Variants in PDE4B observed in about 807,000 individuals in gnomAD.
The protein encoded by PDE4B is phosphodiesterase 4B, also known as 3',5'-cyclic-AMP phosphodiesterase 4B.
In PDE4B, 20 loss-of-function variants were observed where a neutral mutation model predicts 82.2. The observed-to-expected ratio is 0.24, with a 90% confidence interval of 0.17 to 0.35. The LOEUF (loss-of-function observed/expected upper bound fraction) is 0.35, where lower values mean the gene tolerates loss of function less well. Ranked by LOEUF, PDE4B falls within the 10% of genes least tolerant of loss-of-function variation. The pLI is 1.00. For synonymous variants in PDE4B, 320 were observed against 318.9 expected (o/e 1.00, Z -0.04); for missense variants, 655 against 907.2 (o/e 0.72, Z 3.57).
At chr1:66,206,398 G>T (rs1447377636) in intron 3 of PDE4B, among the ~76,000 whole-genome samples, 1 of 152,102 alleles carries the variant, frequency 6.6e-6, no homozygotes. Context: ...CCACCCTCCA[G>T]CATTTTATCC....
At chr1:66,047,352 A>G (rs893956926) in intron 3 of PDE4B, among the ~76,000 whole-genome samples, 3 of 152,018 alleles carry the variant, frequency 2.0e-5, no homozygotes, top group Admixed American at 1.3e-4. Context: ...GTGTTAATAT[A>G]TGAAAATATC....
intron 3 of PDE4B, among the ~76,000 whole-genome samples, chr1:66,150,823 G>A (rs72679116): frequency 0.1 from 15,172 of 152,056 alleles, 1,065 homozygotes; most frequent in East Asian, 0.16. Flanking sequence ...TTGTAATTAT[G>A]GTCTATTACA....
intron 3 of PDE4B, among the ~76,000 whole-genome samples, chr1:66,147,350 G>T (rs1273161463): frequency 2.0e-5 from 3 of 152,152 alleles, no homozygotes; most frequent in African/African-American, 7.2e-5. Flanking sequence ...TTTTGCAAAG[G>T]ATGAAACTGA....
intron 3 of PDE4B, among the ~76,000 whole-genome samples, chr1:66,189,494 T>C (rs1647536852): frequency 6.6e-6 from 1 of 152,252 alleles, no homozygotes; most frequent in Admixed American, 6.5e-5. Flanking sequence ...TTTGGCCTTT[T>C]CACATAGTCC....
chr1:65,933,688 G>T (rs1400334554), intron 3 of PDE4B, among the ~76,000 whole-genome samples: 1 of 151,672 alleles, frequency 6.6e-6, no homozygotes, highest in African/African-American at 2.4e-5. Context: ...AAAAAGTGGA[G>T]AGTTGATCAG....
In PDE4B at chr1:65,798,238, C is replaced by CTTTTT. The variant is rs781315273; in HGVS notation, c.-71+5017_-71+5021dup. 1.5e-3 allele frequency among the ~76,000 whole-genome samples: 35 copies of CTTTTT among 22,666 alleles called. 6 individuals carry two copies. Among genetic ancestry groups the CTTTTT allele is most frequent in the African/African-American group, 2.0e-3 (4 of 2,016 alleles). 14.9% of individuals were successfully genotyped at this position (22,666 alleles called of 152,430 possible). A position where few individuals can be genotyped will look rare whatever the true frequency, so the allele number is the denominator to read the frequency against. On this transcript the variant is annotated intron_variant, in intron 1 of 16. Transcript: ENST00000341517. Reference sequence around the variant, plus strand: ...GTTTCACCATGTTGGCCAGGCTAGTCTTTTTTTTTTTTTTTTTTTTTTTTT... The same window carrying CTTTTT: ...GTTTCACCATGTTGGCCAGGCTAGTCTTTTTTTTTTTTTTTTTTTTTTTTTTTTTT...
At chr1:66,345,439 A>G (rs1407311910) in intron 8 of PDE4B, among the ~76,000 whole-genome samples, 5 of 152,050 alleles carry the variant, frequency 3.3e-5, no homozygotes, top group Non-Finnish European at 7.4e-5. Context: ...TGGTTTTGCA[A>G]TTTACTATCA....
intron 8 of PDE4B, among the ~76,000 whole-genome samples, chr1:66,349,312 G>A (rs1269317506): frequency 6.6e-6 from 1 of 152,138 alleles, no homozygotes; most frequent in Admixed American, 6.6e-5. Context: ...CAGAATAATG[G>A]TAGATATATT....
At chr1:65,812,951 A>G (rs1013629628) in intron 1 of PDE4B, among the ~76,000 whole-genome samples, 4 of 152,298 alleles carry the variant, frequency 2.6e-5, no homozygotes, top group Non-Finnish European at 5.9e-5. Context: ...ACAAAACCTT[A>G]AGAATGAAGA....
intron 7 of PDE4B, among the ~76,000 whole-genome samples, chr1:66,328,486 C>A (rs899278882): frequency 1.3e-5 from 2 of 152,336 alleles, no homozygotes; most frequent in African/African-American, 4.8e-5. Flanking sequence ...GGGCCCTATG[C>A]TCAGAAGGGC....
chr1:66,334,144 G>C (rs1557707050), intron 8 of PDE4B, among the ~76,000 whole-genome samples: 1 of 152,174 alleles, frequency 6.6e-6, no homozygotes, highest in Non-Finnish European at 1.5e-5. Flanking sequence ...GGCTATGCAA[G>C]ATGTAGATCC....
chr1:66,143,001 G>A (rs959343721), intron 3 of PDE4B, among the ~76,000 whole-genome samples: 1 of 152,204 alleles, frequency 6.6e-6, no homozygotes, highest in African/African-American at 2.4e-5. Context: ...CATCTGTGTT[G>A]TAACAGGCAT....
intron 1 of PDE4B, among the ~76,000 whole-genome samples, chr1:65,854,922 T>G (rs919856912): frequency 1.3e-5 from 2 of 151,852 alleles, no homozygotes; most frequent in African/African-American, 4.8e-5. Flanking sequence ...TTGGATATTC[T>G]TTTTTGGATA....
At chr1:66,342,277 C>T (rs1386961216) in intron 8 of PDE4B, among the ~76,000 whole-genome samples, 1 of 152,000 alleles carries the variant, frequency 6.6e-6, no homozygotes, top group Non-Finnish European at 1.5e-5. Flanking sequence ...TCATTATTTA[C>T]ATTTCAAAGT....
At chr1:66,113,635 A>G (rs923748739) in intron 3 of PDE4B, among the ~76,000 whole-genome samples, 6 of 152,232 alleles carry the variant, frequency 3.9e-5, no homozygotes, top group Admixed American at 1.3e-4. Context: ...CTAGATTAAC[A>G]GTGAGCATGA....
Position 65,864,637 on chromosome 1 carries a change from C to T in PDE4B, c.-70-48608C>T, listed in dbSNP as rs115163890. ...TCAGGCCCCCTCTTCTGCAGGTCTG[C>T]TGCAATTTGCTGAAGCTCCACTCCA... is the stretch of plus-strand genomic sequence containing the variant. On this transcript the variant is annotated intron_variant, in intron 1 of 16. Transcript: ENST00000341517. Among the ~76,000 whole-genome samples, 547 of 152,234 alleles carry T rather than the reference C, an allele frequency of 3.6e-3. 3 individuals are homozygous for T. Among genetic ancestry groups the T allele is most frequent in the African/African-American group, 0.013 (523 of 41,530 alleles).
At chr1:66,273,199 T>G (rs1030429384) in intron 7 of PDE4B, among the ~76,000 whole-genome samples, 3 of 152,218 alleles carry the variant, frequency 2.0e-5, no homozygotes, top group Non-Finnish European at 4.4e-5. Context: ...ATCTCCCACT[T>G]TACGCTGCCA....
intron 3 of PDE4B, among the ~76,000 whole-genome samples, chr1:65,932,260 C>G (rs1167410886): frequency 6.6e-6 from 1 of 151,660 alleles, no homozygotes; most frequent in Non-Finnish European, 1.5e-5. Flanking sequence ...AACCACAGAT[C>G]CCAGCTTCTC....
At chr1:66,190,055 C>T (rs954288034) in intron 3 of PDE4B, among the ~76,000 whole-genome samples, 2 of 152,202 alleles carry the variant, frequency 1.3e-5, no homozygotes, top group African/African-American at 4.8e-5. Flanking sequence ...TTCTAACAGT[C>T]AGGACTCTCA....
Sources: gnomAD v4.1 joint callset for allele counts (sites outside exome capture counted in the v4.1 genomes callset) on GRCh38, gnomAD v4.1.1 for gene constraint, MANE v1.5 for transcripts, NCBI Gene and HGNC (gene_info 2026-07-23, HGNC 2026-07-21) for gene names.